APOB: variants seen among roughly 807,000 people sequenced by gnomAD.
The protein encoded by APOB is apolipoprotein B.
APOB carries 153 observed loss-of-function variants against 314.1 expected under a neutral mutation model. The ratio of observed to expected loss-of-function variants is 0.49; its 90% confidence interval spans 0.43 to 0.56. APOB has a LOEUF of 0.56. Among genes scored for constraint, APOB ranks in the 20% least tolerant of loss-of-function variants. The probability of loss-of-function intolerance (pLI) is 0.00; values close to 1 mark genes in which losing one functional copy is unlikely to be tolerated. For synonymous variants in APOB, 2,087 were observed against 2,036.4 expected, an observed-to-expected ratio of 1.02 and a Z score of -0.67; for missense variants, 5,430 against 5,350.7, an observed-to-expected ratio of 1.01 and a Z score of -0.46.
Position 21,040,930 on chromosome 2 carries a change from T to C in APOB, c.383+8A>G, listed in dbSNP as rs960687656. On this transcript the variant is annotated splice_region_variant and intron_variant, in intron 4 of 28. Transcript: ENST00000233242. ...CACATGCGTGTGCTCATGTACAACA[T>C]GACTTACCTGGACATGGCTGCAGCA... 3.7e-6 allele frequency: 6 copies of C among 1,613,984 alleles called. No homozygotes were observed. Among genetic ancestry groups the C allele is most frequent in the Non-Finnish European group, 5.1e-6 (6 of 1,180,012 alleles).
At chr2:21,040,561 C>G (rs1235739215) in intron 4 of APOB, among the ~76,000 whole-genome samples, 1 of 152,184 alleles carries the variant, frequency 6.6e-6, no homozygotes, top group Non-Finnish European at 1.5e-5. Context: ...GTGAACAGAC[C>G]CTGCCCCGCC....
At chr2:21,035,518 C>T in intron 7 of APOB, 66 bp downstream of exon 7, 1 of 1,601,676 alleles carries the variant, frequency 6.2e-7, no homozygotes, top group Non-Finnish European at 8.5e-7. Context: ...GAACAGAGCA[C>T]TTGAGAAGTG....
chr2:21,040,857 A>G (rs1198818624), intron 4 of APOB, 81 bp downstream of exon 4: 4 of 1,500,996 alleles, frequency 2.7e-6, no homozygotes, highest in Non-Finnish European at 3.7e-6. Flanking sequence ...TTACAGTCAC[A>G]TCCGTGCCTG....
intron 6 of APOB, among the ~76,000 whole-genome samples, 163 bp downstream of exon 6, chr2:21,036,937 T>A (rs1400268051): frequency 2.0e-5 from 3 of 152,148 alleles, no homozygotes; most frequent in Non-Finnish European, 4.4e-5. Context: ...CCGTGAAGCC[T>A]GGGCAGACCT....
In APOB at chr2:21,004,239, G is replaced by C. The variant is rs773480228; in HGVS notation, c.12087+30C>G. ...TGCCCCAATTCTCCACTCGCTCTTG[G>C]GGGCGTGTCACTCATTAGGTGGTAT... On this transcript the variant is annotated intron_variant, in intron 28 of 28. Transcript: ENST00000233242. 9 of 1,611,078 alleles carry C rather than the reference G, an allele frequency of 5.6e-6. No individual in the cohort carries two copies. In the Admixed American group the frequency reaches 1.5e-4, roughly 27 times the overall value.
rs1179872811 is a variant in APOB at position 21,004,647 on chromosome 2, A to C, written c.11817T>G (p.Gly3939=). 7.4e-6 allele frequency: 12 copies of C among 1,613,732 alleles called. 1 individual carries two copies. The highest frequency in any genetic ancestry group is 1.0e-5 in the Non-Finnish European group (12 of 1,179,788). ...TTCCTTTAGTCTTAGAGGCTAACGT[A>C]CCATCTTCGATTTTGTGTGTTCCCA... ...NVLGTHKIED[G]TLASKTKGTF... is the part of the protein sequence containing the mutation. Residue 3939 remains glycine (G), a synonymous_variant, in exon 27 of 29, where the codon GGT becomes GGG. Coordinates refer to ENST00000233242, the MANE Select transcript of APOB (RefSeq NM_000384.3).
chr2:21,040,025 G>A (rs188841902), intron 4 of APOB, among the ~76,000 whole-genome samples: 103 of 152,206 alleles, frequency 6.8e-4, no homozygotes, highest in African/African-American at 2.2e-3. Context: ...GGAGGGACCC[G>A]GGGGGAGGTG....
In APOB at chr2:21,026,826, C is replaced by G; in HGVS notation, c.2206G>C (p.Asp736His). ...VPDGVSKVLV[D>H]HFGYTKDDKH... ...TCATCTTTGGTATAGCCAAAGTGGT[C>G]CACTAAGACCTTAGAGACACCATCA... Residue 736 changes from aspartate (D) to histidine (H), a missense_variant, in exon 15 of 29, where the codon GAC (aspartate) becomes CAC (histidine). By Grantham distance (81) the Asp-to-His change is moderately conservative (BLOSUM62 -1). This residue lies in a region of APOB where 2,085 missense variants were observed against 2,079.7 expected (regional missense o/e 1.00). Transcript: ENST00000233242. 3.1e-6 allele frequency: 5 copies of G among 1,614,058 alleles called. No homozygotes were observed. The highest frequency in any genetic ancestry group is 4.2e-6 in the Non-Finnish European group (5 of 1,179,922).
Position 21,019,088 on chromosome 2 carries a change from C to T in APOB, c.3025G>A (p.Gly1009Arg), listed in dbSNP as rs1235638061. The T allele has an allele frequency of 6.2e-7, 1 of 1,613,924 alleles. No individual in the cohort carries two copies. Among genetic ancestry groups the T allele is most frequent in the Non-Finnish European group, 8.5e-7 (1 of 1,180,014 alleles). Residue 1009 changes from glycine to arginine, a missense_variant, in exon 20 of 29, where the codon GGA (glycine) becomes AGA (arginine). Physicochemically the swap from Gly to Arg is moderately radical, Grantham distance 125. Transcript: ENST00000233242. ...TRLELELRPT[G>R]EIEQYSVSAT... ...CTGACAGAATACTGCTCAATCTCTC[C>T]TGTAGGCCTCAGTTCCAGCTCTAAT...
At chr2:21,021,143 A>C (rs1663596201) in intron 18 of APOB, among the ~76,000 whole-genome samples, 1 of 152,216 alleles carries the variant, frequency 6.6e-6, no homozygotes. Flanking sequence ...CAAATACAGC[A>C]CATCCAAAAC....
Position 21,004,323 on chromosome 2 carries a change from C to T in APOB, c.12033G>A (p.Met4011Ile). 1 of 1,613,966 alleles carries T rather than the reference C, an allele frequency of 6.2e-7. No individual in the cohort carries two copies. The highest frequency in any genetic ancestry group is 2.2e-5 in the East Asian group (1 of 44,872). ...AAAAGTCGTCATCTTCATCCATATC[C>T]ATGCCCACGGTGCCTACGGCTGGGG... ...AASPAVGTVGMDMDEDDDFSK... is the reference protein window; with the variant it reads ...AASPAVGTVGIDMDEDDDFSK... Residue 4011 changes from methionine to isoleucine, a missense_variant, in exon 28 of 29, where the codon ATG (methionine) becomes ATA (isoleucine). This residue lies in a region of APOB where 3,281 missense variants were observed against 3,171.0 expected (regional missense o/e 1.03). Transcript: ENST00000233242.
At chr2:21,032,647 G>T in intron 9 of APOB, 66 bp from the exon 10 acceptor site, 5 of 1,285,784 alleles carry the variant, frequency 3.9e-6, no homozygotes, top group Admixed American at 1.8e-5. Flanking sequence ...ATTGCTCATG[G>T]TGTGTCCTCT....
rs188019153 is a variant in APOB at position 21,001,699 on chromosome 2, A to G, written c.*31T>C. ...TGCTATGTGAAAGTTCAATTGGAAA[A>G]GAAGAATAAATGAAGATTTCTTTTA... On this transcript the variant is annotated 3_prime_UTR_variant, in exon 29 of 29. Transcript: ENST00000233242. 8.0e-5 allele frequency: 129 copies of G among 1,608,972 alleles called. No individual in the cohort carries two copies. The East Asian group carries it at 2.7e-3, about 33-fold the overall frequency.
Position 21,038,027 on chromosome 2 carries a change from G to T in APOB, c.468C>A (p.Ile156=). ...EKDEPTYILN[I]KRGIISALLV... ...GGAGGGCAGAAATGATGCCCCTCTT[G>T]ATGTTCAGGATGTAAGTAGGTTCAT... The change falls in exon 5 of 29, where the codon ATC becomes ATA. Residue 156 remains isoleucine (I), a synonymous_variant. Coordinates refer to ENST00000233242, the MANE Select transcript of APOB (RefSeq NM_000384.3). 6.2e-7 allele frequency: 1 copy of T among 1,614,224 alleles called. No homozygotes were observed. The highest frequency in any genetic ancestry group is 8.5e-7 in the Non-Finnish European group (1 of 1,180,034).
chr2:21,040,263 G>A (rs1664099226), intron 4 of APOB, among the ~76,000 whole-genome samples: 1 of 152,188 alleles, frequency 6.6e-6, no homozygotes, highest in Admixed American at 6.5e-5. Context: ...AAATTGCCCA[G>A]TCTCAGGTAT....
At chr2:21,042,283 C>T (rs1324400534) in intron 3 of APOB, 78 bp downstream of exon 3, 11 of 1,057,592 alleles carry the variant, frequency 1.0e-5, no homozygotes, top group South Asian at 2.5e-5. Flanking sequence ...CCGGGAAGGT[C>T]GCGTGTTGGG....
chr2:21,006,087 C>T lies in APOB; in HGVS notation c.10781G>A (p.Trp3594Ter), dbSNP rs1663129046. The T allele has an allele frequency of 1.2e-5, 19 of 1,613,960 alleles. No individual in the cohort carries two copies. Among genetic ancestry groups the T allele is most frequent in the Non-Finnish European group, 1.6e-5 (19 of 1,179,930 alleles). ...TSKATLELSP[W>*]QMSALVQVHA... The stretch of plus-strand genomic sequence containing the variant: ...GACCTGAACAAGAGCTGACATTTGC[C>T]ATGGAGAGAGTTCCAGGGTGGCTTT... Residue 3594 changes from tryptophan to a stop codon, truncating the protein, a stop_gained, in exon 26 of 29, where the codon TGG becomes TAG. Transcript: ENST00000233242. LOFTEE classifies it high-confidence loss of function.
intron 13 of APOB, 42 bp from the exon 14 acceptor site, chr2:21,028,107 A>C: frequency 7.1e-7 from 1 of 1,417,548 alleles, no homozygotes; most frequent in Non-Finnish European, 1.0e-6. Flanking sequence ...ACACCATGTT[A>C]TTATCCTTTG....
Position 21,029,769 on chromosome 2 carries a change from C to G in APOB, c.1487G>C (p.Gly496Ala). 1 of 1,614,090 alleles carries G rather than the reference C, an allele frequency of 6.2e-7. No homozygotes were observed. Among genetic ancestry groups the G allele is most frequent in the Non-Finnish European group, 8.5e-7 (1 of 1,180,028 alleles). The change falls in exon 12 of 29, where the codon GGC (glycine) becomes GCC (alanine). Residue 496 changes from glycine to alanine, a missense_variant. Gly to Ala is a moderately conservative substitution (Grantham distance 60). Transcript: ENST00000233242. ...YLILRVIGNMGQTMEQLTPEL... is the reference protein window; with the variant it reads ...YLILRVIGNMAQTMEQLTPEL... ...TGGAGTTAACTGCTCCATGGTTTGG[C>G]CCATATTTCCAATGACCTGCATTGA...
Sources: gnomAD v4.1 joint callset for allele counts (sites outside exome capture counted in the v4.1 genomes callset) on GRCh38, gnomAD v4.1.1 for gene constraint, gnomAD v4.1.1 regional missense constraint, MANE v1.5 for transcripts, NCBI Gene and HGNC (gene_info 2026-07-23, HGNC 2026-07-21) for gene names.